Variants in ARHGEF3 observed in about 807,000 individuals in gnomAD.
ARHGEF3 encodes Rho guanine nucleotide exchange factor 3, also known as 59.8 kDA protein.
ARHGEF3 carries 28 observed loss-of-function variants against 63.2 expected under a neutral mutation model. That is an observed-to-expected ratio of 0.44 (90% CI 0.33 to 0.61). The LOEUF is 0.61. Among genes scored for constraint, ARHGEF3 ranks in the 20% least tolerant of loss-of-function variants. The pLI, the probability that ARHGEF3 is intolerant of heterozygous loss-of-function variation, is 0.03. For missense variants in ARHGEF3, 533 were observed against 659.3 expected (o/e 0.81, Z 2.10); for synonymous variants, 266 against 254.2 (o/e 1.05, Z -0.44).
intron 2 of ARHGEF3, among the ~76,000 whole-genome samples, chr3:56,978,950 G>C (rs9856026): frequency 0.39 from 59,239 of 152,006 alleles, 11,849 homozygotes; most frequent in Middle Eastern, 0.48. Flanking sequence ...CTGGCCAGGA[G>C]TTCAAGACCA....
intron 1 of ARHGEF3, among the ~76,000 whole-genome samples, chr3:56,777,905 G>A (rs915896240): frequency 2.0e-5 from 3 of 152,166 alleles, no homozygotes; most frequent in African/African-American, 4.8e-5. Flanking sequence ...AGAATTGATT[G>A]TGCTAGCAGA....
chr3:56,802,677 G>C (rs768670012), upstream of ARHGEF3, among the ~76,000 whole-genome samples: 6 of 152,136 alleles, frequency 3.9e-5, no homozygotes, highest in Admixed American at 2.0e-4. Context: ...ATCTGACAGA[G>C]TGTCCTTCAA....
At chr3:56,792,819 A>T (rs1246619949) in intron 1 of ARHGEF3, among the ~76,000 whole-genome samples, 1 of 148,040 alleles carries the variant, frequency 6.8e-6, no homozygotes, top group African/African-American at 2.5e-5. Context: ...TCTTTTTCTT[A>T]TTTTTTTTTT....
At chr3:57,017,650 C>A (rs2107146103) in intron 2 of ARHGEF3, among the ~76,000 whole-genome samples, 1 of 152,322 alleles carries the variant, frequency 6.6e-6, no homozygotes, top group Non-Finnish European at 1.5e-5. Context: ...CAGAGATGCC[C>A]CCTTGGCACA....
At chr3:57,049,922 G>A (rs968937872) in intron 1 of ARHGEF3, among the ~76,000 whole-genome samples, 1 of 152,188 alleles carries the variant, frequency 6.6e-6, no homozygotes, top group Non-Finnish European at 1.5e-5. Flanking sequence ...GATAGTGAGG[G>A]TCAGGGATTG....
chr3:57,000,779 C>T (rs113127903), intron 2 of ARHGEF3, among the ~76,000 whole-genome samples: 308 of 151,674 alleles, frequency 2.0e-3, no homozygotes, highest in African/African-American at 7.1e-3. Flanking sequence ...GTGATCCACC[C>T]GACTCAGCCT....
intron 3 of ARHGEF3, among the ~76,000 whole-genome samples, chr3:56,908,722 G>A (rs1052536758): frequency 9.9e-5 from 15 of 152,132 alleles, no homozygotes; most frequent in Non-Finnish European, 2.1e-4. Context: ...ATTATTAGCT[G>A]TATGCCTTTG....
At chr3:56,965,677 C>A (rs944703653) in intron 2 of ARHGEF3, among the ~76,000 whole-genome samples, 6 of 131,922 alleles carry the variant, frequency 4.5e-5, no homozygotes, top group Admixed American at 1.7e-4. Context: ...GAAACGGAGT[C>A]TCGCTCTGTC....
intron 2 of ARHGEF3, among the ~76,000 whole-genome samples, chr3:56,959,744 G>A (rs896631907): frequency 3.9e-5 from 6 of 152,144 alleles, no homozygotes; most frequent in Non-Finnish European, 5.9e-5. Flanking sequence ...TTGGGAGGCC[G>A]AAACAGGCAG....
rs138694302 is a variant in ARHGEF3 at position 57,073,795 on chromosome 3, C to A, written c.-28+5431G>T. 2.5e-6 allele frequency: 4 copies of A among 1,614,076 alleles called. No individual in the cohort carries two copies. The African/African-American group carries it at 5.3e-5, about 22-fold the overall frequency. On this transcript the variant is annotated intron_variant, in intron 1 of 12. Transcript: ENST00000338458. ...TCTTCCAGACTCGTTCCATGGCCACCCAGAGGCCTTGGGTCATCCACCCAA... is the reference window on the plus strand; with the variant it reads ...TCTTCCAGACTCGTTCCATGGCCACACAGAGGCCTTGGGTCATCCACCCAA...
At chr3:56,900,958 A>C (rs1366756258) in intron 3 of ARHGEF3, among the ~76,000 whole-genome samples, 1 of 152,178 alleles carries the variant, frequency 6.6e-6, no homozygotes, top group Non-Finnish European at 1.5e-5. Context: ...TGACCTCTAA[A>C]GTTTCCTTCT....
intron 4 of ARHGEF3, among the ~76,000 whole-genome samples, chr3:56,850,553 T>C (rs1166957334): frequency 6.6e-6 from 1 of 151,700 alleles, no homozygotes; most frequent in Non-Finnish European, 1.5e-5. Context: ...AAAACAAAAG[T>C]TGGTTATTTG....
At position 56,825,649 on chromosome 3, in the gene ARHGEF3, G is replaced by C. The variant is rs576962262; in HGVS notation, c.193-51833C>G. ...TTATCACATGACAGCAACTCGGTGA[G>C]GCTTCATTTTTATAGGCTTAACAGA... On this transcript the variant is annotated intron_variant, in intron 4 of 12. Coordinates refer to the ARHGEF3 transcript ENST00000338458. 3.3e-5 allele frequency among the ~76,000 whole-genome samples: 5 copies of C among 152,266 alleles called. No individual in the cohort carries two copies. The East Asian group carries it at 5.8e-4, about 18-fold the overall frequency.
At chr3:56,820,822 A>G (rs748537484) in intron 4 of ARHGEF3, among the ~76,000 whole-genome samples, 4 of 152,130 alleles carry the variant, frequency 2.6e-5, no homozygotes, top group Non-Finnish European at 5.9e-5. Context: ...GATAACATTG[A>G]GGAATTATTG....
At chr3:56,800,192 T>C (rs2037570642) in intron 1 of ARHGEF3, among the ~76,000 whole-genome samples, 1 of 152,254 alleles carries the variant, frequency 6.6e-6, no homozygotes, top group Non-Finnish European at 1.5e-5. Context: ...AGTCCTCAGC[T>C]ATCCTCACTA....
chr3:56,798,009 T>A (rs2037456922), intron 1 of ARHGEF3, among the ~76,000 whole-genome samples: 1 of 152,232 alleles, frequency 6.6e-6, no homozygotes, highest in African/African-American at 2.4e-5. Context: ...TTCCCCTCAG[T>A]GTCCTTATTC....
chr3:57,008,018 C>A (rs945575251), intron 2 of ARHGEF3, among the ~76,000 whole-genome samples: 1 of 152,118 alleles, frequency 6.6e-6, no homozygotes, highest in Non-Finnish European at 1.5e-5. Flanking sequence ...ACTTTCCTGG[C>A]CAGAGGACAA....
chr3:56,737,421 G>C, intron 7 of ARHGEF3, 66 bp from the exon 8 acceptor site: 1 of 1,398,506 alleles, frequency 7.2e-7, no homozygotes, highest in Non-Finnish European at 9.9e-7. Context: ...CAAGTCTTAG[G>C]GGCTCAGCCT....
chr3:56,800,387 G>C (rs1425628399), intron 1 of ARHGEF3, among the ~76,000 whole-genome samples: 1 of 152,174 alleles, frequency 6.6e-6, no homozygotes, highest in East Asian at 1.9e-4. Flanking sequence ...TGCCACTAGG[G>C]CCATCACACT....
Sources: gnomAD v4.1 joint callset for allele counts (sites outside exome capture counted in the v4.1 genomes callset) on GRCh38, gnomAD v4.1.1 for gene constraint, MANE v1.5 for transcripts, NCBI Gene and HGNC (gene_info 2026-07-23, HGNC 2026-07-21) for gene names.